The following PIP4K2A variants were observed in gnomAD, a reference collection of about 807,000 sequenced individuals.
PIP4K2A encodes phosphatidylinositol-5-phosphate 4-kinase type 2 alpha, also known as phosphatidylinositol 5-phosphate 4-kinase type-2 alpha.
PIP4K2A carries 14 observed loss-of-function variants against 42.9 expected under a neutral mutation model. That is an observed-to-expected ratio of 0.33 (90% CI 0.22 to 0.51). The LOEUF is 0.51. Ranked by LOEUF, PIP4K2A falls within the 20% of genes least tolerant of loss-of-function variation. The probability of loss-of-function intolerance (pLI) is 0.97; values close to 1 mark genes in which losing one functional copy is unlikely to be tolerated. For synonymous variants in PIP4K2A, 192 were observed against 192.2 expected (o/e 1.00, Z 0.01); for missense variants, 434 against 519.8 (o/e 0.83, Z 1.61).
chr10:22,680,341 T>C (rs1487643444), intron 1 of PIP4K2A, among the ~76,000 whole-genome samples: 2 of 152,232 alleles, frequency 1.3e-5, no homozygotes, highest in Non-Finnish European at 2.9e-5. Context: ...TATCTTTAGA[T>C]GGCCGAATTA....
chr10:22,692,256 GCTC>G (rs1564469361), intron 1 of PIP4K2A, among the ~76,000 whole-genome samples: 2 of 151,958 alleles, frequency 1.3e-5, no homozygotes, highest in African/African-American at 4.8e-5. Flanking sequence ...TAGGGTTTGC[GCTC>G]CTATGAGAAT....
intron 7 of PIP4K2A, among the ~76,000 whole-genome samples, chr10:22,545,091 G>A (rs1033048959): frequency 2.0e-5 from 3 of 152,200 alleles, no homozygotes; most frequent in African/African-American, 4.8e-5. Context: ...CAGAGGGCTC[G>A]GGAAAGTATT....
intron 1 of PIP4K2A, among the ~76,000 whole-genome samples, chr10:22,682,616 G>A (rs1011395938): frequency 2.0e-5 from 3 of 152,188 alleles, no homozygotes; most frequent in African/African-American, 7.2e-5. Context: ...TTGGTGCTCC[G>A]TGGTGGGGGT....
At chr10:22,555,682 T>A (rs766504052) in intron 6 of PIP4K2A, among the ~76,000 whole-genome samples, 1 of 152,082 alleles carries the variant, frequency 6.6e-6, no homozygotes, top group East Asian at 1.9e-4. Flanking sequence ...TGCCTGGCAA[T>A]AGTAACTTGC....
chr10:22,653,964 C>G (rs1448342731), intron 1 of PIP4K2A, among the ~76,000 whole-genome samples: 4 of 152,094 alleles, frequency 2.6e-5, no homozygotes, highest in Non-Finnish European at 4.4e-5. Context: ...GTGTTAATAC[C>G]AAGAGAAAAC....
rs190623137 is a variant in PIP4K2A, at chr10:22,586,918, G to A, written c.492+4711C>T. Reference sequence around the variant, plus strand: ...TTAGCACAACACCCAAATGAAGAGGGTACTATTATCCAAATATTATAGACC... The same window carrying A: ...TTAGCACAACACCCAAATGAAGAGGATACTATTATCCAAATATTATAGACC... On this transcript the variant is annotated intron_variant, in intron 4 of 9. Coordinates refer to ENST00000376573, the MANE Select transcript of PIP4K2A (RefSeq NM_005028.5). 1.3e-4 allele frequency among the ~76,000 whole-genome samples: 20 copies of A among 152,206 alleles called. No homozygotes were observed. In the East Asian group the frequency reaches 3.9e-3, roughly 29 times the overall value.
At chr10:22,710,632 C>T (rs1419331944) in intron 1 of PIP4K2A, among the ~76,000 whole-genome samples, 2 of 152,160 alleles carry the variant, frequency 1.3e-5, no homozygotes, top group African/African-American at 4.8e-5. Context: ...CACTCAAGCA[C>T]CCAGCTCTTC....
intron 1 of PIP4K2A, among the ~76,000 whole-genome samples, chr10:22,692,567 T>C (rs1453191782): frequency 1.3e-5 from 2 of 152,198 alleles, no homozygotes; most frequent in Non-Finnish European, 2.9e-5. Context: ...GATTCTTCTG[T>C]GAAAGGGGTA....
At chr10:22,627,630 A>AAAAAAAAAAAAAAAAAAAAAAAAAAG (rs1346625282) in intron 1 of PIP4K2A, among the ~76,000 whole-genome samples, 1 of 118,136 alleles carries the variant, frequency 8.5e-6, no homozygotes, top group Non-Finnish European at 1.8e-5. Flanking sequence ...AAAAAAAAAA[A>AAAAAAAAAAAAAAAAAAAAAAAAAAG]AGATAAGGAA....
At chr10:22,694,209 G>A (rs768158753) in intron 1 of PIP4K2A, 6 of 152,152 alleles carry the variant, frequency 3.9e-5, no homozygotes, top group Non-Finnish European at 5.9e-5. Context: ...AATCTACTGA[G>A]TGCAAGAAGA....
chr10:22,663,608 A>G (rs1839250768), intron 1 of PIP4K2A, among the ~76,000 whole-genome samples: 2 of 152,166 alleles, frequency 1.3e-5, no homozygotes, highest in Admixed American at 1.3e-4. Context: ...CGAAGAGAAA[A>G]AATAAAAATC....
chr10:22,642,576 TTA>T (rs1031660645), intron 1 of PIP4K2A, among the ~76,000 whole-genome samples: 7 of 152,008 alleles, frequency 4.6e-5, no homozygotes, highest in South Asian at 2.1e-4. Flanking sequence ...GTATGTATAT[TTA>T]TATGTGTATT....
intron 6 of PIP4K2A, among the ~76,000 whole-genome samples, chr10:22,566,009 G>C (rs1309404320): frequency 3.3e-5 from 5 of 152,168 alleles, no homozygotes; most frequent in Non-Finnish European, 7.3e-5. Flanking sequence ...ATCAATGACA[G>C]TGGTGCCCGA....
intron 4 of PIP4K2A, among the ~76,000 whole-genome samples, chr10:22,578,169 A>G (rs1588638303): frequency 6.6e-6 from 1 of 152,176 alleles, no homozygotes; most frequent in East Asian, 1.9e-4. Context: ...CTGCTTGAAC[A>G]TTTTTACAAT....
Position 22,537,171 on chromosome 10 carries a change from G to C in PIP4K2A, c.*30C>G. On this transcript the variant is annotated 3_prime_UTR_variant, in exon 10 of 10. Coordinates refer to ENST00000376573, the MANE Select transcript of PIP4K2A (RefSeq NM_005028.5). ...CCGAAGCCACCTCTGTCCATCCAAT[G>C]TTCATGTCTGTCCGAGGCTGCGCAG... The C allele has an allele frequency of 6.4e-7, 1 of 1,558,870 alleles. No homozygotes were observed. The highest frequency in any genetic ancestry group is 8.8e-7 in the Non-Finnish European group (1 of 1,139,044).
chr10:22,668,766 T>G (rs1839396331), intron 1 of PIP4K2A, among the ~76,000 whole-genome samples: 1 of 152,204 alleles, frequency 6.6e-6, no homozygotes, highest in African/African-American at 2.4e-5. Context: ...CAGTAGATAT[T>G]AAACCAAACA....
Position 22,552,057 on chromosome 10 carries a change from TATAACC to T in PIP4K2A, c.679-1291_679-1286del, listed in dbSNP as rs1195832632. Among the ~76,000 whole-genome samples the T allele has an allele frequency of 3.3e-5, 5 of 152,368 alleles. No homozygotes were observed. In the East Asian group the frequency reaches 9.6e-4, roughly 29 times the overall value. On this transcript the variant is annotated intron_variant, in intron 6 of 9. Coordinates refer to ENST00000376573, the MANE Select transcript of PIP4K2A (RefSeq NM_005028.5). The stretch of plus-strand genomic sequence containing the variant: ...AACAGTTTTGCAACTTTGAATTAGA[TATAACC>T]ACAATCTTTATAAGCCAAACAGAAT...
chr10:22,562,680 G>A (rs7078635), intron 6 of PIP4K2A, among the ~76,000 whole-genome samples: 143,675 of 152,324 alleles, frequency 0.94, 67,786 homozygotes, highest in East Asian at 1. Flanking sequence ...CTACCGAGCC[G>A]TGAATGACGA....
intron 6 of PIP4K2A, 167 bp downstream of exon 6, chr10:22,567,684 T>C (rs1242258424): frequency 2.6e-6 from 2 of 769,856 alleles, no homozygotes; most frequent in Non-Finnish European, 4.8e-6. Context: ...AGAAATGAAG[T>C]AGAACTCTCA....
Sources: allele counts gnomAD v4.1 joint callset (sites outside exome capture counted in the v4.1 genomes callset), GRCh38; gene constraint gnomAD v4.1.1; transcripts MANE v1.5; gene names NCBI Gene and HGNC (gene_info 2026-07-23, HGNC 2026-07-21).